The following TDRD5 variants were observed in gnomAD, a reference collection of about 807,000 sequenced individuals.
TDRD5 encodes tudor domain-containing protein 5.
In TDRD5, 41 loss-of-function variants were observed where a neutral mutation model predicts 120.6. The ratio of observed to expected loss-of-function variants is 0.34; its 90% confidence interval spans 0.26 to 0.44. TDRD5 has a LOEUF of 0.44. TDRD5 is among the 20% of genes least tolerant of loss of function. The pLI is 1.00. For missense variants in TDRD5, 1,006 were observed against 1,221.2 expected, an observed-to-expected ratio of 0.82 and a Z score of 2.63; for synonymous variants, 430 against 433.7, an observed-to-expected ratio of 0.99 and a Z score of 0.11.
At chr1:179,629,457 G>T (rs935569852) in intron 6 of TDRD5, among the ~76,000 whole-genome samples, 1 of 151,936 alleles carries the variant, frequency 6.6e-6, no homozygotes, top group Admixed American at 6.6e-5. Context: ...GAGTTTTTCA[G>T]TATAAAATGC....
At chr1:179,669,465 C>T (rs1679741815) in intron 17 of TDRD5, 61 bp downstream of exon 17, 1 of 1,576,576 alleles carries the variant, frequency 6.3e-7, no homozygotes. Flanking sequence ...TGCCATGTTG[C>T]TAAAACAAAC....
intron 9 of TDRD5, among the ~76,000 whole-genome samples, chr1:179,638,785 C>T (rs538379488): frequency 7.8e-6 from 1 of 127,776 alleles, no homozygotes. Context: ...AATTTTCACT[C>T]TTAAAACTGT....
chr1:179,662,009 A>G (rs552658583), intron 14 of TDRD5, 95 bp from the exon 15 acceptor site: 1 of 1,161,148 alleles, frequency 8.6e-7, no homozygotes, highest in East Asian at 2.8e-5. Flanking sequence ...TGTCATCTTT[A>G]CCTGGAGTCA....
intron 7 of TDRD5, among the ~76,000 whole-genome samples, chr1:179,631,686 C>A (rs757579113): frequency 6.6e-6 from 1 of 151,932 alleles, no homozygotes. Context: ...ATATTAATGC[C>A]TTATTTACCA....
At position 179,618,589 on chromosome 1, in the gene TDRD5, T is replaced by G. The variant is rs776695673; in HGVS notation, c.832-10T>G. 6.3e-6 allele frequency: 10 copies of G among 1,577,954 alleles called. No individual in the cohort carries two copies. In the African/African-American group the frequency reaches 1.4e-4, roughly 22 times the overall value. ...GACTGTGACTTGACTTTTTTTTTCT[T>G]TTTTCATAGCTGGAGAACACATTCA... is the stretch of plus-strand genomic sequence containing the variant. On this transcript the variant is annotated splice_polypyrimidine_tract_variant and intron_variant, in intron 4 of 17. Coordinates refer to ENST00000444136, the MANE Select transcript of TDRD5 (RefSeq NM_001199085.3).
chr1:179,645,076 C>CTTTTTTT (rs71569261), intron 11 of TDRD5, among the ~76,000 whole-genome samples: 21 of 99,592 alleles, frequency 2.1e-4, no homozygotes, highest in Middle Eastern at 5.6e-3. Context: ...AAACATTTTT[C>CTTTTTTT]TTTTTTTTTT....
At position 179,640,053 on chromosome 1, in the gene TDRD5, T is replaced by G; in HGVS notation, c.1733+2T>G. ...GAAGTCCTCCCTGAGGTTCCTCAAG[T>G]GAGTTGAATTGAATTAGAACAATGG... On this transcript the variant is annotated splice_donor_variant, in intron 10 of 17. Coordinates refer to ENST00000444136, the MANE Select transcript of TDRD5 (RefSeq NM_001199085.3). LOFTEE classifies it high-confidence loss of function. 1 of 1,613,608 alleles carries G rather than the reference T, an allele frequency of 6.2e-7. No individual in the cohort carries two copies. Among genetic ancestry groups the G allele is most frequent in the East Asian group, 2.2e-5 (1 of 44,870 alleles).
intron 6 of TDRD5, among the ~76,000 whole-genome samples, chr1:179,627,304 G>A (rs1677183191): frequency 6.6e-6 from 1 of 152,138 alleles, no homozygotes; most frequent in South Asian, 2.1e-4. Context: ...TTGATAAAAG[G>A]ACTGAAAGTG....
chr1:179,598,987 T>C (rs1675551979), intron 4 of TDRD5, among the ~76,000 whole-genome samples: 1 of 152,148 alleles, frequency 6.6e-6, no homozygotes, highest in Admixed American at 6.5e-5. Flanking sequence ...ATAATTATGA[T>C]ATTAACTGTA....
intron 16 of TDRD5, among the ~76,000 whole-genome samples, chr1:179,668,344 G>A (rs1553333909): frequency 6.6e-6 from 1 of 152,156 alleles, no homozygotes; most frequent in Non-Finnish European, 1.5e-5. Context: ...TAGGGACAGG[G>A]ATCCTGTCTG....
chr1:179,671,239 GGC>G (rs1679840262), intron 17 of TDRD5, among the ~76,000 whole-genome samples: 1 of 152,164 alleles, frequency 6.6e-6, no homozygotes, highest in African/African-American at 2.4e-5. Flanking sequence ...TAATTACCAT[GGC>G]TTTATAATAA....
chr1:179,602,675 T>A (rs1457587254), intron 4 of TDRD5, among the ~76,000 whole-genome samples: 3 of 152,178 alleles, frequency 2.0e-5, no homozygotes, highest in Non-Finnish European at 4.4e-5. Context: ...TTGTCAAAGA[T>A]CAGTTGGCTG....
intron 4 of TDRD5, among the ~76,000 whole-genome samples, chr1:179,605,955 T>C (rs989416927): frequency 2.0e-5 from 3 of 152,140 alleles, no homozygotes; most frequent in Admixed American, 6.5e-5. Context: ...GGGTAAATAC[T>C]AAGGAGTACA....
chr1:179,680,259 C>CATCA (rs1680352268), intron 17 of TDRD5, among the ~76,000 whole-genome samples: 1 of 152,036 alleles, frequency 6.6e-6, no homozygotes, highest in Non-Finnish European at 1.5e-5. Flanking sequence ...TACTTTAGAA[C>CATCA]GATGTATATA....
chr1:179,592,776 T>G lies in TDRD5; in HGVS notation c.161T>G (p.Met54Arg), dbSNP rs1675187009. 1.2e-6 allele frequency: 2 copies of G among 1,614,226 alleles called. No homozygotes were observed. Among genetic ancestry groups the G allele is most frequent in the Non-Finnish European group, 1.7e-6 (2 of 1,180,046 alleles). ...PLRILGYRST[M>R]ELVLDMPDVV... ...CGAATCCTTGGGTATCGGTCCACTATGGAGCTGGTATTGGACATGCCTGAT... is the reference window on the plus strand; with the variant it reads ...CGAATCCTTGGGTATCGGTCCACTAGGGAGCTGGTATTGGACATGCCTGAT... The change falls in exon 2 of 18, where the codon ATG (methionine) becomes AGG (arginine). Residue 54 changes from methionine (M) to arginine (R), a missense_variant. This residue lies in a region of TDRD5 where 445 missense variants were observed against 515.5 expected (regional missense o/e 0.86). Coordinates refer to ENST00000444136, the MANE Select transcript of TDRD5 (RefSeq NM_001199085.3).
At chr1:179,607,929 C>A (rs975611247) in intron 4 of TDRD5, among the ~76,000 whole-genome samples, 1 of 151,870 alleles carries the variant, frequency 6.6e-6, no homozygotes, top group East Asian at 1.9e-4. Context: ...GTATAATTTT[C>A]TTTCTGCTTG....
chr1:179,662,366 C>CA, intron 15 of TDRD5, 80 bp downstream of exon 15: 5 of 1,460,244 alleles, frequency 3.4e-6, no homozygotes, highest in Non-Finnish European at 4.6e-6. Flanking sequence ...TTTGGGAGGC[C>CA]AAGGTGGGTG....
chr1:179,647,718 A>G (rs1048612542), intron 11 of TDRD5, among the ~76,000 whole-genome samples: 2 of 151,852 alleles, frequency 1.3e-5, no homozygotes, highest in African/African-American at 4.8e-5. Flanking sequence ...GCTAATATCC[A>G]GAATCTACAA....
chr1:179,608,007 A>G lies in TDRD5; in HGVS notation c.832-10592A>G, dbSNP rs1489317228. Among the ~76,000 whole-genome samples the G allele has an allele frequency of 2.0e-5, 3 of 151,908 alleles. 1 individual carries two copies. Among genetic ancestry groups the G allele is most frequent in the Non-Finnish European group, 4.4e-5 (3 of 67,928 alleles). ...TATATTCTTAGCTTTTATTCATCTGAAAAAGTCTATTTGTCATTTTCATTT... is the reference window on the plus strand; with the variant it reads ...TATATTCTTAGCTTTTATTCATCTGGAAAAGTCTATTTGTCATTTTCATTT... On this transcript the variant is annotated intron_variant, in intron 4 of 17. Coordinates refer to ENST00000444136, the MANE Select transcript of TDRD5 (RefSeq NM_001199085.3).
Sources: gnomAD v4.1 joint callset for allele counts (sites outside exome capture counted in the v4.1 genomes callset) on GRCh38, gnomAD v4.1.1 for gene constraint, gnomAD v4.1.1 regional missense constraint, MANE v1.5 for transcripts, NCBI Gene and HGNC (gene_info 2026-07-23, HGNC 2026-07-21) for gene names.